The following CSMD1 variants were observed in gnomAD, a reference collection of about 807,000 sequenced individuals.
The protein encoded by CSMD1 is CUB and Sushi multiple domains 1, also known as CUB and sushi domain-containing protein 1.
CSMD1 carries 213 observed loss-of-function variants against 417.5 expected under a neutral mutation model. The ratio of observed to expected loss-of-function variants is 0.51; its 90% CI spans 0.46 to 0.57. The LOEUF is 0.57. Among genes scored for constraint, CSMD1 ranks in the 20% least tolerant of loss-of-function variants. The pLI is 0.00. For synonymous variants in CSMD1, 2,862 were observed against 1,736.8 expected, an observed-to-expected ratio of 1.65 and a Z score of -16.11; for missense variants, 6,923 against 4,529.7, an observed-to-expected ratio of 1.53 and a Z score of -15.17.
intron 5 of CSMD1, among the ~76,000 whole-genome samples, chr8:3,956,510 G>A (rs1032516515): frequency 2.0e-5 from 3 of 152,078 alleles, no homozygotes; most frequent in African/African-American, 4.8e-5. Context: ...AAAATAAAGA[G>A]GACAGGTGGA....
At chr8:3,723,863 G>A (rs1388231416) in intron 6 of CSMD1, among the ~76,000 whole-genome samples, 1 of 152,106 alleles carries the variant, frequency 6.6e-6, no homozygotes, top group African/African-American at 2.4e-5. Context: ...ATGCAAAATA[G>A]ACCAACACGT....
At chr8:4,673,627 T>A (rs1397043644) in intron 1 of CSMD1, among the ~76,000 whole-genome samples, 1 of 152,164 alleles carries the variant, frequency 6.6e-6, no homozygotes, top group Non-Finnish European at 1.5e-5. Context: ...ATTCTAGGAA[T>A]CATGCTTTGT....
chr8:4,896,657 G>T (rs1804501306), intron 1 of CSMD1, among the ~76,000 whole-genome samples: 1 of 152,088 alleles, frequency 6.6e-6, no homozygotes, highest in African/African-American at 2.4e-5. Context: ...TTAAATATTG[G>T]AAATTTTTTC....
At chr8:4,905,777 G>A (rs1242711145) in intron 1 of CSMD1, among the ~76,000 whole-genome samples, 8 of 136,720 alleles carry the variant, frequency 5.9e-5, no homozygotes, top group Non-Finnish European at 7.6e-5. Context: ...CCGAGATTGT[G>A]CCACTGCACT....
Position 4,512,581 on chromosome 8 carries a change from G to A in CSMD1, c.303-92516C>T, listed in dbSNP as rs1310894619. Among the ~76,000 whole-genome samples the A allele has an allele frequency of 5.9e-5, 9 of 152,098 alleles. No homozygotes were observed. The East Asian group carries it at 1.7e-3, about 29-fold the overall frequency. On this transcript the variant is annotated intron_variant, in intron 2 of 69. Transcript: ENST00000635120. ...TTCCTAGAACTAATAAGCAATTATA[G>A]CAGGGTTGTAGGATACAAAGTTAAC... is the stretch of plus-strand genomic sequence containing the variant.
rs571124218 is a variant in CSMD1 at position 3,039,921 on chromosome 8, C to T, written c.7661-10408G>A. Among the ~76,000 whole-genome samples, 12 of 152,278 alleles carry T rather than the reference C, an allele frequency of 7.9e-5. No homozygotes were observed. The South Asian group carries it at 2.5e-3, about 32-fold the overall frequency. ...ACGTGTTCCTCTTCTAAAAATTAAT[C>T]TGGCTTTAATAAACATAGTCATAGC... On this transcript the variant is annotated intron_variant, in intron 50 of 69. Transcript: ENST00000635120.
intron 23 of CSMD1, among the ~76,000 whole-genome samples, chr8:3,309,427 T>C (rs952324353): frequency 2.8e-5 from 4 of 141,950 alleles, no homozygotes; most frequent in African/African-American, 9.8e-5. Context: ...ACTCCAGAAA[T>C]GAATCATTAT....
intron 3 of CSMD1, among the ~76,000 whole-genome samples, chr8:4,338,678 G>C (rs141046456): frequency 6.6e-6 from 1 of 152,060 alleles, no homozygotes; most frequent in East Asian, 1.9e-4. Context: ...AGAAATAGAA[G>C]CCACAATTCC....
At chr8:3,524,783 G>T (rs867837490) in intron 10 of CSMD1, among the ~76,000 whole-genome samples, 1 of 148,594 alleles carries the variant, frequency 6.7e-6, no homozygotes, top group Non-Finnish European at 1.5e-5. Context: ...AGTGCACCGA[G>T]AGACATGCAC....
chr8:3,380,995 G>C (rs1054909701), intron 18 of CSMD1, among the ~76,000 whole-genome samples: 1 of 152,158 alleles, frequency 6.6e-6, no homozygotes, highest in African/African-American at 2.4e-5. Flanking sequence ...AGGTATGTGA[G>C]AAGGTTGTTT....
chr8:3,984,706 TATATATATATATATATA>T (rs1814176452), intron 5 of CSMD1, among the ~76,000 whole-genome samples: 1 of 47,266 alleles, frequency 2.1e-5, no homozygotes, highest in African/African-American at 8.4e-5. Context: ...GTATATATCA[TATATATATATATATATA>T]TATATATATA....
intron 6 of CSMD1, among the ~76,000 whole-genome samples, chr8:3,745,266 A>T (rs1410975592): frequency 6.6e-6 from 1 of 152,186 alleles, no homozygotes; most frequent in African/African-American, 2.4e-5. Flanking sequence ...CCCCTGGAGG[A>T]GAATATGCCA....
intron 3 of CSMD1, among the ~76,000 whole-genome samples, chr8:4,374,109 C>G (rs1043501044): frequency 6.6e-5 from 10 of 152,104 alleles, no homozygotes; most frequent in Non-Finnish European, 1.5e-4. Context: ...ATGGTTTTCA[C>G]ACCTGCCATT....
chr8:4,058,870 T>A (rs1021932042), intron 3 of CSMD1, among the ~76,000 whole-genome samples: 10 of 151,726 alleles, frequency 6.6e-5, no homozygotes, highest in African/African-American at 2.4e-4. Context: ...ACTGTCAACA[T>A]TAGACAGATC....
chr8:3,614,967 T>C (rs552058666), intron 8 of CSMD1, among the ~76,000 whole-genome samples: 15 of 152,174 alleles, frequency 9.9e-5, no homozygotes, highest in Non-Finnish European at 1.6e-4. Context: ...GACATGACTG[T>C]TGACACAAGG....
chr8:4,303,557 T>C (rs1345727504), intron 3 of CSMD1, among the ~76,000 whole-genome samples: 3 of 151,970 alleles, frequency 2.0e-5, no homozygotes, highest in Admixed American at 2.0e-4. Context: ...TTTTAAAAAA[T>C]TTCTTCTCAG....
chr8:4,307,118 C>A (rs922035624), intron 3 of CSMD1, among the ~76,000 whole-genome samples: 7 of 152,288 alleles, frequency 4.6e-5, no homozygotes, highest in African/African-American at 7.2e-5. Context: ...AGGCCGGCTG[C>A]CTCCTTGTCT....
intron 1 of CSMD1, among the ~76,000 whole-genome samples, chr8:4,954,198 T>G (rs1208214883): frequency 6.6e-6 from 1 of 152,214 alleles, no homozygotes; most frequent in South Asian, 2.1e-4. Context: ...AAACACATTA[T>G]GTGTTCCCTA....
intron 3 of CSMD1, among the ~76,000 whole-genome samples, chr8:4,130,087 G>C (rs1045911811): frequency 6.6e-6 from 1 of 152,110 alleles, no homozygotes; most frequent in Non-Finnish European, 1.5e-5. Flanking sequence ...GTGTGTGAGA[G>C]GAGGGCTAGG....
Sources: gnomAD v4.1 joint callset for allele counts (sites outside exome capture counted in the v4.1 genomes callset) on GRCh38, gnomAD v4.1.1 for gene constraint, MANE v1.5 for transcripts, NCBI Gene and HGNC (gene_info 2026-07-23, HGNC 2026-07-21) for gene names.